RBFOX2: variants seen among roughly 807,000 people sequenced by gnomAD.
RBFOX2 encodes the protein RNA binding protein fox-1 homolog 2.
A neutral mutation model predicts 49.1 loss-of-function variants in RBFOX2; 10 were observed. The ratio of observed to expected loss-of-function variants is 0.20; its 90% CI spans 0.13 to 0.35. RBFOX2 has a LOEUF of 0.35. Ranked by LOEUF, RBFOX2 falls within the 10% of genes least tolerant of loss-of-function variation. RBFOX2 has a pLI of 1.00. For missense variants in RBFOX2, 323 were observed against 486.9 expected, an observed-to-expected ratio of 0.66 and a Z score of 3.17; for synonymous variants, 183 against 187.4, an observed-to-expected ratio of 0.98 and a Z score of 0.19.
chr22:35,892,582 C>A (rs1193595488), intron 1 of RBFOX2, among the ~76,000 whole-genome samples: 1 of 152,324 alleles, frequency 6.6e-6, no homozygotes, highest in African/African-American at 2.4e-5. Context: ...GTACTGACAA[C>A]TGAACATAGT....
rs572320096 is a variant in RBFOX2 at position 35,764,705 on chromosome 22, C to T, written c.607+718G>A. On this transcript the variant is annotated intron_variant, in intron 6 of 11. Transcript: ENST00000405409. ...ACAGCTGAGACCTCAGAATTCAATC[C>T]ATTTGGTTTCCTTTTTCTCTCCCAA... is the stretch of plus-strand genomic sequence containing the variant. Among the ~76,000 whole-genome samples the T allele has an allele frequency of 3.9e-5, 6 of 152,160 alleles. No homozygotes were observed. The East Asian group carries it at 1.2e-3, about 29-fold the overall frequency.
chr22:35,757,940 G>C (rs1006112919), intron 9 of RBFOX2, among the ~76,000 whole-genome samples: 1 of 152,096 alleles, frequency 6.6e-6, no homozygotes, highest in African/African-American at 2.4e-5. Context: ...AAGAAGGGTT[G>C]GCATTAAAAA....
chr22:35,976,788 C>T (rs546713129), intron 1 of RBFOX2, among the ~76,000 whole-genome samples: 33 of 152,088 alleles, frequency 2.2e-4, no homozygotes, highest in Middle Eastern at 3.4e-3. Flanking sequence ...CATGGCGAAA[C>T]CTCGCCTCTA....
intron 1 of RBFOX2, among the ~76,000 whole-genome samples, chr22:35,851,051 A>G (rs2041881203): frequency 6.6e-6 from 1 of 152,204 alleles, no homozygotes; most frequent in East Asian, 1.9e-4. Flanking sequence ...GGCATCTGTG[A>G]GAATTTAAGT....
intron 1 of RBFOX2, among the ~76,000 whole-genome samples, chr22:35,896,475 T>A (rs2149410655): frequency 6.6e-6 from 1 of 152,318 alleles, no homozygotes; most frequent in South Asian, 2.1e-4. Flanking sequence ...TTCCTGCTTA[T>A]AAAATCTCCA....
intron 9 of RBFOX2, among the ~76,000 whole-genome samples, chr22:35,757,291 G>A (rs1569258326): frequency 6.6e-6 from 1 of 151,382 alleles, no homozygotes; most frequent in South Asian, 2.1e-4. Context: ...ACCTTCTGAG[G>A]TACCTTTGTG....
intron 1 of RBFOX2, among the ~76,000 whole-genome samples, chr22:35,925,295 G>A (rs190865128): frequency 6.6e-6 from 1 of 152,308 alleles, no homozygotes; most frequent in African/African-American, 2.4e-5. Context: ...GAGGCAAGAG[G>A]ATTGCTTGAG....
At chr22:35,983,323 A>T (rs948364703) in intron 1 of RBFOX2, among the ~76,000 whole-genome samples, 25 of 152,236 alleles carry the variant, frequency 1.6e-4, no homozygotes, top group Middle Eastern at 3.4e-3. Context: ...CTGCTCTTGA[A>T]CCTTCCTTAT....
At chr22:35,858,658 T>G (rs902016346) in intron 1 of RBFOX2, among the ~76,000 whole-genome samples, 1 of 151,646 alleles carries the variant, frequency 6.6e-6, no homozygotes, top group African/African-American at 2.4e-5. Context: ...AAACCCCAAC[T>G]CTACTAAAAA....
At chr22:35,887,617 A>G (rs574103757) in intron 1 of RBFOX2, among the ~76,000 whole-genome samples, 2 of 152,110 alleles carry the variant, frequency 1.3e-5, no homozygotes, top group East Asian at 3.9e-4. Context: ...CTTCCTTCCC[A>G]ATACTGCTTC....
At chr22:35,773,804 T>C (rs1383054601) in intron 4 of RBFOX2, among the ~76,000 whole-genome samples, 3 of 152,228 alleles carry the variant, frequency 2.0e-5, no homozygotes, top group Admixed American at 2.0e-4. Context: ...TTGATAATTA[T>C]CACCAAAAAT....
At chr22:35,898,127 G>C in intron 1 of RBFOX2, 1 of 743,516 alleles carries the variant, frequency 1.3e-6, no homozygotes, top group Non-Finnish European at 2.5e-6. Flanking sequence ...GGACGAAGGT[G>C]CATGATGTCA....
intron 1 of RBFOX2, among the ~76,000 whole-genome samples, chr22:35,930,762 G>A (rs890025940): frequency 1.3e-4 from 20 of 152,064 alleles, no homozygotes; most frequent in East Asian, 5.8e-4. Context: ...CCCAGGAGGC[G>A]GAGGTTGCAG....
intron 1 of RBFOX2, chr22:35,992,450 T>C (rs2058022763): frequency 1.3e-5 from 2 of 152,216 alleles, no homozygotes; most frequent in East Asian, 1.9e-4. Context: ...AATCCATTCA[T>C]CTAGCCCGGC....
chr22:35,957,077 G>C (rs1234691885), intron 1 of RBFOX2, among the ~76,000 whole-genome samples: 1 of 152,122 alleles, frequency 6.6e-6, no homozygotes, highest in Non-Finnish European at 1.5e-5. Flanking sequence ...TGTGTAGTGA[G>C]GTATGGGGGA....
At chr22:35,960,993 A>G (rs1204472788) in intron 1 of RBFOX2, among the ~76,000 whole-genome samples, 1 of 152,194 alleles carries the variant, frequency 6.6e-6, no homozygotes, top group Non-Finnish European at 1.5e-5. Context: ...AGTCATACCA[A>G]AAGAAACACA....
chr22:35,974,030 A>T (rs1004719758), intron 1 of RBFOX2, among the ~76,000 whole-genome samples: 1 of 152,208 alleles, frequency 6.6e-6, no homozygotes, highest in Non-Finnish European at 1.5e-5. Context: ...GCTGAACTGT[A>T]GGAGGTGCCT....
intron 1 of RBFOX2, among the ~76,000 whole-genome samples, chr22:35,967,632 A>G (rs1295985329): frequency 6.6e-6 from 1 of 152,180 alleles, no homozygotes; most frequent in Admixed American, 6.6e-5. Flanking sequence ...TGACACTCAA[A>G]TATCAATTGT....
At chr22:36,002,871 C>A (rs373340973) in intron 1 of RBFOX2, among the ~76,000 whole-genome samples, 4 of 152,258 alleles carry the variant, frequency 2.6e-5, no homozygotes, top group Admixed American at 6.5e-5. Context: ...GATGATCCCC[C>A]CACCTTGGCC....
Sources: gnomAD v4.1 joint callset for allele counts (sites outside exome capture counted in the v4.1 genomes callset) on GRCh38, gnomAD v4.1.1 for gene constraint, MANE v1.5 for transcripts, NCBI Gene and HGNC (gene_info 2026-07-23, HGNC 2026-07-21) for gene names.